TMEM135: variants seen among roughly 807,000 people sequenced by gnomAD.
The protein encoded by TMEM135 is transmembrane protein 135, also known as peroxisomal membrane protein 52.
Under a neutral mutation model 60.3 loss-of-function variants are expected in TMEM135, and 30 were observed. That is an observed-to-expected ratio of 0.50 (90% CI 0.37 to 0.68). TMEM135 has a LOEUF of 0.68. TMEM135 is among the 30% of genes least tolerant of loss of function. The probability of loss-of-function intolerance (pLI) is 0.00; values close to 1 mark genes in which losing one functional copy is unlikely to be tolerated. For synonymous variants in TMEM135, 190 were observed against 186.7 expected, an observed-to-expected ratio of 1.02 and a Z score of -0.14; for missense variants, 468 against 548.8, an observed-to-expected ratio of 0.85 and a Z score of 1.47.
rs1219317462 is a variant in TMEM135 at position 87,236,752 on chromosome 11, G to A, written c.509+68G>A. The A allele has an allele frequency of 1.7e-5, 25 of 1,435,522 alleles. No homozygotes were observed. The Admixed American group carries it at 2.9e-4, about 16-fold the overall frequency. The allele number at this position is 1,435,522 out of a possible 1,614,324, so 88.9% of individuals were successfully genotyped here. On this transcript the variant is annotated intron_variant, in intron 6 of 14. Transcript: ENST00000305494. ...ATCTCTTTGTAATTTCATCAACCAC[G>A]AAACTAAAGTATTCTCCAAATAATT...
At chr11:87,071,284 G>A (rs377703798) in intron 2 of TMEM135, among the ~76,000 whole-genome samples, 1 of 152,158 alleles carries the variant, frequency 6.6e-6, no homozygotes, top group South Asian at 2.1e-4. Flanking sequence ...TGAGGATGAC[G>A]CCTGTCAAAC....
At chr11:87,217,942 T>C (rs1291164554) in intron 5 of TMEM135, among the ~76,000 whole-genome samples, 2 of 152,196 alleles carry the variant, frequency 1.3e-5, no homozygotes, top group African/African-American at 4.8e-5. Context: ...ATTAGATAGT[T>C]CTCAGGCCTT....
rs912664243 is a variant in TMEM135, at chr11:87,293,441, T to C, written c.510-2341T>C. 2.0e-5 allele frequency among the ~76,000 whole-genome samples: 3 copies of C among 152,088 alleles called. No individual in the cohort carries two copies. The East Asian group carries it at 5.8e-4, about 29-fold the overall frequency. On this transcript the variant is annotated intron_variant, in intron 6 of 14. Transcript: ENST00000305494. ...TACATGTGCAGAACATGCAGGTTTGTTACATACGTATACGTGTGCCATGGT... is the reference window on the plus strand; with the variant it reads ...TACATGTGCAGAACATGCAGGTTTGCTACATACGTATACGTGTGCCATGGT...
At chr11:87,259,225 C>G (rs764961032) in intron 6 of TMEM135, 1 of 483,242 alleles carries the variant, frequency 2.1e-6, no homozygotes, top group Non-Finnish European at 3.9e-6. Context: ...GGGAGCAATT[C>G]CTCCGGGGAT....
chr11:87,098,024 G>A (rs768096813), intron 4 of TMEM135, among the ~76,000 whole-genome samples: 22 of 152,032 alleles, frequency 1.4e-4, no homozygotes, highest in Non-Finnish European at 2.8e-4. Flanking sequence ...GTTTTTGTGT[G>A]TTTTATACAT....
At chr11:87,068,791 A>T (rs1856716683) in intron 2 of TMEM135, among the ~76,000 whole-genome samples, 2 of 139,282 alleles carry the variant, frequency 1.4e-5, no homozygotes, top group African/African-American at 5.6e-5. Context: ...AGCTTGGGGG[A>T]CAGAGTCAGA....
chr11:87,074,240 A>G lies in TMEM135; in HGVS notation c.362+2625A>G, dbSNP rs550236092. Among the ~76,000 whole-genome samples, 6 of 152,348 alleles carry G rather than the reference A, an allele frequency of 3.9e-5. No individual in the cohort carries two copies. In the South Asian group the frequency reaches 1.2e-3, roughly 32 times the overall value. On this transcript the variant is annotated intron_variant, in intron 3 of 14. Transcript: ENST00000305494. ...CTCAGCCCCCCAAAGTTTTGGGATTACAGGCATGAGCTACTGGGCCCGGCC... is the reference window on the plus strand; with the variant it reads ...CTCAGCCCCCCAAAGTTTTGGGATTGCAGGCATGAGCTACTGGGCCCGGCC...
chr11:87,262,851 T>C (rs1325926743), intron 6 of TMEM135, among the ~76,000 whole-genome samples: 1 of 152,190 alleles, frequency 6.6e-6, no homozygotes, highest in Non-Finnish European at 1.5e-5. Flanking sequence ...ATTGGATACA[T>C]GTATACATTA....
intron 5 of TMEM135, among the ~76,000 whole-genome samples, chr11:87,187,438 G>T (rs150672891): frequency 7.8e-4 from 119 of 152,300 alleles, no homozygotes; most frequent in Admixed American, 2.7e-3. Context: ...AACACTAACT[G>T]CCAAATCTAA....
chr11:87,313,271 AT>A (rs1942671195), intron 10 of TMEM135, among the ~76,000 whole-genome samples, 153 bp from the exon 11 acceptor site: 1 of 151,706 alleles, frequency 6.6e-6, no homozygotes, highest in Non-Finnish European at 1.5e-5. Context: ...ATTGTTCATA[AT>A]TTTTCCAATC....
intron 5 of TMEM135, among the ~76,000 whole-genome samples, chr11:87,163,344 A>C (rs1004460130): frequency 6.9e-6 from 1 of 144,570 alleles, no homozygotes; most frequent in Non-Finnish European, 1.5e-5. Flanking sequence ...AATTTCATCC[A>C]TGTCCCTACA....
chr11:87,302,272 C>T (rs1296867157), intron 7 of TMEM135, 24 bp from the exon 8 acceptor site: 1 of 1,610,786 alleles, frequency 6.2e-7, no homozygotes, highest in Non-Finnish European at 8.5e-7. Flanking sequence ...TGAAAAATGC[C>T]TCACATTGTG....
At chr11:87,062,711 C>G (rs12286127) in intron 1 of TMEM135, among the ~76,000 whole-genome samples, 22,277 of 151,812 alleles carry the variant, frequency 0.15, 1,723 homozygotes, top group Non-Finnish European at 0.17. Flanking sequence ...GATCCATCTG[C>G]CTCGGCCTCC....
chr11:87,045,250 T>G (rs1949785525), intron 1 of TMEM135, among the ~76,000 whole-genome samples: 3 of 151,814 alleles, frequency 2.0e-5, no homozygotes, highest in Non-Finnish European at 4.4e-5. Context: ...CAGGATGGTC[T>G]CGATCTCCTG....
intron 2 of TMEM135, 81 bp downstream of exon 2, chr11:87,067,902 A>T: frequency 6.5e-7 from 1 of 1,548,438 alleles, no homozygotes; most frequent in Admixed American, 1.7e-5. Context: ...CATAAATGTT[A>T]TGTGGGTTAC....
intron 6 of TMEM135, among the ~76,000 whole-genome samples, chr11:87,289,801 T>G (rs943562876): frequency 5.9e-5 from 9 of 152,082 alleles, no homozygotes; most frequent in African/African-American, 1.7e-4. Flanking sequence ...CAGCCTTGAG[T>G]ATTTTCTGTT....
chr11:87,098,897 C>A (rs920154216), intron 4 of TMEM135, among the ~76,000 whole-genome samples: 1 of 152,072 alleles, frequency 6.6e-6, no homozygotes, highest in Non-Finnish European at 1.5e-5. Flanking sequence ...ACCATGTCAG[C>A]CAGGATGGTC....
chr11:87,118,369 C>T (rs1484446889), intron 4 of TMEM135, among the ~76,000 whole-genome samples: 1 of 152,066 alleles, frequency 6.6e-6, no homozygotes, highest in East Asian at 1.9e-4. Context: ...ATGTAAGGCT[C>T]CTTTGTCTAA....
At chr11:87,226,189 A>T (rs1335428862) in intron 5 of TMEM135, among the ~76,000 whole-genome samples, 4 of 152,216 alleles carry the variant, frequency 2.6e-5, no homozygotes, top group Non-Finnish European at 5.9e-5. Flanking sequence ...AACCTAAATC[A>T]TTAGCTAACC....
Sources: gnomAD v4.1 joint callset for allele counts (sites outside exome capture counted in the v4.1 genomes callset) on GRCh38, gnomAD v4.1.1 for gene constraint, MANE v1.5 for transcripts, NCBI Gene and HGNC (gene_info 2026-07-23, HGNC 2026-07-21) for gene names.